TRPM3: variants seen among roughly 807,000 people sequenced by gnomAD.
The protein encoded by TRPM3 is long transient receptor potential channel 3.
A neutral mutation model predicts 181.2 loss-of-function variants in TRPM3; 77 were observed. The observed-to-expected ratio is 0.42, with a 90% CI of 0.35 to 0.51. The LOEUF is 0.51. TRPM3 is among the 20% of genes least tolerant of loss of function. TRPM3 has a pLI of 0.01. For synonymous variants in TRPM3, 745 were observed against 796.4 expected, an observed-to-expected ratio of 0.94 and a Z score of 1.09; for missense variants, 1,759 against 2,196.7, an observed-to-expected ratio of 0.80 and a Z score of 3.98.
chr9:71,325,756 C>CCACA (rs112291932), intron 1 of TRPM3, among the ~76,000 whole-genome samples: 22 of 149,856 alleles, frequency 1.5e-4, no homozygotes, highest in Non-Finnish European at 2.7e-4. Flanking sequence ...ACCCACCCAC[C>CCACA]CACACACACA....
At chr9:71,152,361 A>C (rs367947725) in intron 1 of TRPM3, among the ~76,000 whole-genome samples, 1 of 152,172 alleles carries the variant, frequency 6.6e-6, no homozygotes, top group Non-Finnish European at 1.5e-5. Context: ...GACTTGACAA[A>C]TGTCCTTATA....
chr9:71,251,854 C>T (rs1195373373), intron 1 of TRPM3, among the ~76,000 whole-genome samples: 1 of 152,102 alleles, frequency 6.6e-6, no homozygotes, highest in Non-Finnish European at 1.5e-5. Context: ...CCCCCACCCT[C>T]CCACCATCCT....
chr9:71,075,678 A>T (rs2063356990), intron 1 of TRPM3, among the ~76,000 whole-genome samples: 1 of 152,236 alleles, frequency 6.6e-6, no homozygotes, highest in African/African-American at 2.4e-5. Context: ...ATCACAAACA[A>T]TAGATACCTG....
chr9:70,989,597 G>A (rs1428969291), intron 1 of TRPM3, among the ~76,000 whole-genome samples: 8 of 152,098 alleles, frequency 5.3e-5, no homozygotes, highest in East Asian at 1.9e-4. Flanking sequence ...TGGAGGTTAC[G>A]GTGTTGGCAT....
intron 9 of TRPM3, among the ~76,000 whole-genome samples, chr9:70,654,221 T>C (rs1177324623): frequency 6.6e-6 from 1 of 152,134 alleles, no homozygotes; most frequent in Non-Finnish European, 1.5e-5. Context: ...AACTGAACTG[T>C]TGTTTTTATA....
chr9:71,376,941 G>A (rs1298306297), intron 1 of TRPM3, among the ~76,000 whole-genome samples: 2 of 151,892 alleles, frequency 1.3e-5, no homozygotes, highest in Non-Finnish European at 2.9e-5. Context: ...TTCTCTGGAA[G>A]AATAGACTTT....
At chr9:71,165,593 C>T (rs1027726334) in intron 1 of TRPM3, among the ~76,000 whole-genome samples, 2 of 152,106 alleles carry the variant, frequency 1.3e-5, no homozygotes, top group African/African-American at 4.8e-5. Flanking sequence ...AACCAGTTTT[C>T]CACGCACCAG....
intron 1 of TRPM3, among the ~76,000 whole-genome samples, chr9:71,149,779 G>A (rs2075628428): frequency 6.6e-6 from 1 of 151,952 alleles, no homozygotes; most frequent in Non-Finnish European, 1.5e-5. Flanking sequence ...GTTGAGACCA[G>A]CCTGAGCAAC....
At chr9:71,216,756 C>T (rs1422328956) in intron 1 of TRPM3, among the ~76,000 whole-genome samples, 1 of 152,060 alleles carries the variant, frequency 6.6e-6, no homozygotes, top group African/African-American at 2.4e-5. Context: ...CAGCACTAGG[C>T]ACATAACTAG....
At chr9:70,563,568 G>A (rs1298052842) in intron 22 of TRPM3, among the ~76,000 whole-genome samples, 1 of 152,160 alleles carries the variant, frequency 6.6e-6, no homozygotes, top group Non-Finnish European at 1.5e-5. Context: ...TGAATGGCCA[G>A]TGACTAATCA....
In TRPM3 at chr9:70,620,251, T is replaced by C; in HGVS notation, c.1954A>G (p.Met652Val). ...CGCTTCATGAGAACAGCCCACACCA[T>C]GAGCTCATGGAAAGGGAAGGGGAAG... is the stretch of plus-strand genomic sequence containing the variant. ...NHFPFPFHEL[M>V]VWAVLMKRQK... is the part of the protein sequence containing the mutation. Residue 652 changes from methionine (M) to valine (V), a missense_variant, in exon 16 of 26, where the codon ATG becomes GTG. Physicochemically the swap from Met to Val is conservative, Grantham distance 21 (BLOSUM62 1). Transcript: ENST00000677713. 6.2e-7 allele frequency: 1 copy of C among 1,614,010 alleles called. No individual in the cohort carries two copies.
At chr9:70,995,098 CTG>C (rs200104541) in intron 1 of TRPM3, among the ~76,000 whole-genome samples, 21 of 151,014 alleles carry the variant, frequency 1.4e-4, no homozygotes, top group African/African-American at 3.1e-4. Context: ...CTGGGTGTGT[CTG>C]TGTGTGTGTG....
At chr9:70,553,708 T>C in intron 22 of TRPM3, among the ~76,000 whole-genome samples, 1 of 152,234 alleles carries the variant, frequency 6.6e-6, no homozygotes, top group East Asian at 1.9e-4. Flanking sequence ...CAAAATGTGC[T>C]GTAGAGGCTG....
At chr9:71,259,329 A>G (rs2082882423) in intron 1 of TRPM3, among the ~76,000 whole-genome samples, 1 of 152,170 alleles carries the variant, frequency 6.6e-6, no homozygotes. Context: ...AGTCTTTGCT[A>G]TTATGAATAG....
chr9:71,109,380 C>T (rs1417239138), intron 1 of TRPM3, among the ~76,000 whole-genome samples: 1 of 151,890 alleles, frequency 6.6e-6, no homozygotes, highest in Non-Finnish European at 1.5e-5. Context: ...TAACATGCAT[C>T]CCCTGAGTCT....
chr9:70,791,547 T>C (rs41308880), intron 6 of TRPM3, among the ~76,000 whole-genome samples: 4,180 of 152,306 alleles, frequency 0.027, 94 homozygotes, highest in Middle Eastern at 0.071. Flanking sequence ...ATAGTTAACT[T>C]AATGAACCCC....
At chr9:71,158,169 A>G (rs1360946111) in intron 1 of TRPM3, among the ~76,000 whole-genome samples, 1 of 152,186 alleles carries the variant, frequency 6.6e-6, no homozygotes, top group Non-Finnish European at 1.5e-5. Context: ...ATTATATTCA[A>G]GTAACAGAAA....
chr9:70,640,023 T>TGGTAGA (rs2057813115), intron 10 of TRPM3, among the ~76,000 whole-genome samples: 1 of 152,308 alleles, frequency 6.6e-6, no homozygotes, highest in East Asian at 1.9e-4. Context: ...TTTTTATTTT[T>TGGTAGA]GGTAGAGTCA....
rs1303076338 is a variant in TRPM3, at chr9:70,578,426, C to T, written c.3223+12605G>A. The stretch of plus-strand genomic sequence containing the variant: ...GTAAATTCTAAATCATAGGTTAAGG[C>T]CTCTGGGTTCTTCTTGTTCTTCATA... On this transcript the variant is annotated intron_variant, in intron 22 of 25. Transcript: ENST00000677713. Among the ~76,000 whole-genome samples the T allele has an allele frequency of 2.0e-5, 3 of 152,248 alleles. No homozygotes were observed. The East Asian group carries it at 5.8e-4, about 29-fold the overall frequency.
Sources: allele counts gnomAD v4.1 joint callset (sites outside exome capture counted in the v4.1 genomes callset), GRCh38; gene constraint gnomAD v4.1.1; transcripts MANE v1.5; gene names NCBI Gene and HGNC (gene_info 2026-07-23, HGNC 2026-07-21).